Variants in GFRA1 observed in about 807,000 individuals in gnomAD.
The protein encoded by GFRA1 is GDNF family receptor alpha 1, also known as GDNF family receptor alpha-1.
Under a neutral mutation model 51.6 loss-of-function variants are expected in GFRA1, and 16 were observed. The observed-to-expected ratio is 0.31, with a 90% confidence interval of 0.21 to 0.47. GFRA1 has a LOEUF of 0.47. Among genes scored for constraint, GFRA1 ranks in the 20% least tolerant of loss-of-function variants. GFRA1 has a pLI of 1.00. For synonymous variants in GFRA1, 270 were observed against 241.3 expected (o/e 1.12, Z -1.10); for missense variants, 530 against 594.3 (o/e 0.89, Z 1.13).
intron 6 of GFRA1, among the ~76,000 whole-genome samples, chr10:116,109,122 A>T (rs374379582): frequency 1.8e-4 from 27 of 152,290 alleles, no homozygotes; most frequent in African/African-American, 6.3e-4. Flanking sequence ...CGTACTAGCC[A>T]GGTTTGCCTT....
At chr10:116,096,972 T>G (rs576445592) in intron 6 of GFRA1, among the ~76,000 whole-genome samples, 30 of 152,204 alleles carry the variant, frequency 2.0e-4, no homozygotes, top group African/African-American at 6.3e-4. Flanking sequence ...CCCCCTCATG[T>G]CCCTTTCCCC....
intron 9 of GFRA1, among the ~76,000 whole-genome samples, chr10:116,068,734 G>A (rs1955232008): frequency 2.6e-5 from 4 of 152,134 alleles, no homozygotes; most frequent in Admixed American, 2.6e-4. Context: ...CATTTTAAAG[G>A]CTTTTATCCC....
Position 116,270,901 on chromosome 10 carries a change from G to A in GFRA1, c.255C>T (p.Tyr85=). 1 of 1,614,076 alleles carries A rather than the reference G, an allele frequency of 6.2e-7. No homozygotes were observed. Among genetic ancestry groups the A allele is most frequent in the Non-Finnish European group, 8.5e-7 (1 of 1,180,010 alleles). The stretch of plus-strand genomic sequence containing the variant: ...TCATACCCCGCTTGCAGCGGCAGTT[G>A]TAGAGCGACTTCTGCTTCAGGGCCT... ...AMEALKQKSL[Y]NCRCKRGMKK... Residue 85 remains tyrosine (Y), a synonymous_variant, in exon 3 of 11, where the codon TAC becomes TAT. Transcript: ENST00000355422.
chr10:116,100,273 A>T (rs1420383259), intron 6 of GFRA1, among the ~76,000 whole-genome samples: 2 of 152,234 alleles, frequency 1.3e-5, no homozygotes, highest in Non-Finnish European at 2.9e-5. Flanking sequence ...GTATTCATAC[A>T]TTGGATTCTC....
intron 5 of GFRA1, among the ~76,000 whole-genome samples, chr10:116,202,226 A>C (rs558789773): frequency 6.6e-6 from 1 of 152,316 alleles, no homozygotes; most frequent in Admixed American, 6.5e-5. Context: ...GAAAAGTGCT[A>C]ACAGAAGGGT....
At chr10:116,186,570 T>TA (rs386372545) in intron 5 of GFRA1, among the ~76,000 whole-genome samples, 20,805 of 128,978 alleles carry the variant, frequency 0.16, 1,794 homozygotes, top group Admixed American at 0.26. Flanking sequence ...GAAAGGCTCT[T>TA]AAAAAAAAAA....
chr10:116,111,952 C>T (rs941698016), intron 6 of GFRA1, among the ~76,000 whole-genome samples: 4 of 152,302 alleles, frequency 2.6e-5, no homozygotes, highest in South Asian at 4.1e-4. Flanking sequence ...CAGGCGCCTC[C>T]CTCATCTCTG....
intron 4 of GFRA1, among the ~76,000 whole-genome samples, chr10:116,243,339 T>C (rs1967556123): frequency 1.3e-5 from 2 of 152,100 alleles, no homozygotes; most frequent in African/African-American, 2.4e-5. Context: ...TCACAGGAAG[T>C]ATTCAATAAC....
At chr10:116,098,063 T>C (rs1483039314) in intron 6 of GFRA1, among the ~76,000 whole-genome samples, 1 of 152,212 alleles carries the variant, frequency 6.6e-6, no homozygotes, top group African/African-American at 2.4e-5. Flanking sequence ...TAAACAAGGC[T>C]TGCCCAGGCT....
At chr10:116,121,524 C>T (rs895733108) in intron 6 of GFRA1, among the ~76,000 whole-genome samples, 15 of 152,160 alleles carry the variant, frequency 9.9e-5, no homozygotes, top group South Asian at 4.1e-4. Context: ...AGGCATGAGG[C>T]GGAAGAGAGA....
At position 116,064,228 on chromosome 10, in the gene GFRA1, A is replaced by AAAGGATC; in HGVS notation, c.*163_*169dup. 1.6e-6 allele frequency: 1 copy of AAAGGATC among 628,274 alleles called. No individual in the cohort carries two copies. Among genetic ancestry groups the AAAGGATC allele is most frequent in the Non-Finnish European group, 2.8e-6 (1 of 360,024 alleles). 38.9% of individuals were successfully genotyped at this position (628,274 alleles called of 1,614,324 possible). ...GCATCAGGTTTTTCACAGAAGCCCC[A>AAAGGATC]AAGGATCACAAGAAGCTTTCTTAAA... On this transcript the variant is annotated 3_prime_UTR_variant, in exon 11 of 11. Transcript: ENST00000355422.
chr10:116,245,110 A>AATT (rs1019947908), intron 4 of GFRA1, among the ~76,000 whole-genome samples: 8 of 152,232 alleles, frequency 5.3e-5, no homozygotes, highest in African/African-American at 1.9e-4. Context: ...CCAAGTAAAT[A>AATT]ATTATTCAAG....
At chr10:116,260,651 T>C (rs945636965) in intron 4 of GFRA1, among the ~76,000 whole-genome samples, 8 of 151,414 alleles carry the variant, frequency 5.3e-5, no homozygotes, top group Non-Finnish European at 1.5e-5. Context: ...GGTTAAAAGA[T>C]TACAGAAGAT....
At position 116,173,436 on chromosome 10, in the gene GFRA1, G is replaced by A. The variant is rs151216037; in HGVS notation, c.433+38195C>T. 2.4e-3 allele frequency among the ~76,000 whole-genome samples: 367 copies of A among 152,304 alleles called. 2 individuals carry two copies. The highest frequency in any genetic ancestry group is 4.3e-3 in the Non-Finnish European group (295 of 68,030). On this transcript the variant is annotated intron_variant, in intron 5 of 10. Transcript: ENST00000355422. ...CAGTGTCACACCTGCCAAGGGGGCT[G>A]AGGCAACATGCCCCCTTCTAATTTT...
At chr10:116,074,728 T>C (rs919783832) in intron 9 of GFRA1, among the ~76,000 whole-genome samples, 2 of 152,116 alleles carry the variant, frequency 1.3e-5, no homozygotes, top group African/African-American at 4.8e-5. Context: ...GGGTTTGAAA[T>C]ATAAGGGGCA....
chr10:116,092,650 G>A (rs915342729), intron 8 of GFRA1, among the ~76,000 whole-genome samples: 1 of 152,042 alleles, frequency 6.6e-6, no homozygotes, highest in Non-Finnish European at 1.5e-5. Flanking sequence ...GGACACAGGG[G>A]GCCGCAAAAG....
At chr10:116,127,411 C>T (rs186785146) in intron 5 of GFRA1, among the ~76,000 whole-genome samples, 58 of 152,304 alleles carry the variant, frequency 3.8e-4, no homozygotes, top group African/African-American at 1.1e-3. Flanking sequence ...GAAATCACAC[C>T]ATTATTCCCT....
At chr10:116,244,133 A>G (rs1589904997) in intron 4 of GFRA1, among the ~76,000 whole-genome samples, 1 of 152,122 alleles carries the variant, frequency 6.6e-6, no homozygotes, top group Non-Finnish European at 1.5e-5. Context: ...CAGTCATGAA[A>G]GAGCCTACAT....
At chr10:116,256,523 CAG>C (rs1429809780) in intron 4 of GFRA1, among the ~76,000 whole-genome samples, 1 of 152,204 alleles carries the variant, frequency 6.6e-6, no homozygotes, top group Non-Finnish European at 1.5e-5. Flanking sequence ...GTAGGACACA[CAG>C]AGAGGGCTCA....
Sources: gnomAD v4.1 joint callset for allele counts (sites outside exome capture counted in the v4.1 genomes callset) on GRCh38, gnomAD v4.1.1 for gene constraint, MANE v1.5 for transcripts, NCBI Gene and HGNC (gene_info 2026-07-23, HGNC 2026-07-21) for gene names.